Variants in FSTL1 observed in about 807,000 individuals in gnomAD.
The protein encoded by FSTL1 is follistatin-related protein 1.
A neutral mutation model predicts 45.9 loss-of-function variants in FSTL1; 24 were observed. The ratio of observed to expected loss-of-function variants is 0.52; its 90% CI spans 0.38 to 0.74. FSTL1 has a LOEUF of 0.74. Ranked by LOEUF, FSTL1 falls within the 30% of genes least tolerant of loss-of-function variation. The pLI is 0.00. For missense variants in FSTL1, 340 were observed against 381.8 expected, an observed-to-expected ratio of 0.89 and a Z score of 0.91; for synonymous variants, 120 against 137.6, an observed-to-expected ratio of 0.87 and a Z score of 0.89.
intron 2 of FSTL1, among the ~76,000 whole-genome samples, chr3:120,441,793 CTTAT>C (rs1237796385): frequency 1.3e-5 from 2 of 152,220 alleles, no homozygotes; most frequent in Non-Finnish European, 2.9e-5. Context: ...CATGTAAGAG[CTTAT>C]TTAATTCTCA....
chr3:120,425,879 G>A (rs770494202), intron 2 of FSTL1, among the ~76,000 whole-genome samples: 1 of 152,154 alleles, frequency 6.6e-6, no homozygotes, highest in Non-Finnish European at 1.5e-5. Flanking sequence ...CCAATTGAGT[G>A]TCCTGATTTT....
intron 6 of FSTL1, among the ~76,000 whole-genome samples, chr3:120,407,316 G>A (rs145487116): frequency 1.1e-3 from 164 of 152,310 alleles, no homozygotes; most frequent in African/African-American, 3.8e-3. Flanking sequence ...GGGTAAAGGA[G>A]ATAAGAAGGC....
intron 2 of FSTL1, among the ~76,000 whole-genome samples, chr3:120,437,569 T>A (rs1334449079): frequency 1.3e-5 from 2 of 151,796 alleles, no homozygotes; most frequent in African/African-American, 4.8e-5. Context: ...AGTGTCTATT[T>A]GTGTGTGTGT....
At chr3:120,426,504 G>A (rs1332864711) in intron 2 of FSTL1, among the ~76,000 whole-genome samples, 2 of 151,964 alleles carry the variant, frequency 1.3e-5, no homozygotes, top group African/African-American at 4.8e-5. Context: ...TTTTTGCCTT[G>A]GGTGCCACTG....
At chr3:120,412,874 A>G (rs1230174269) in intron 3 of FSTL1, among the ~76,000 whole-genome samples, 1 of 145,328 alleles carries the variant, frequency 6.9e-6, no homozygotes, top group East Asian at 2.0e-4. Flanking sequence ...ACACACACAC[A>G]CTCCAATTCT....
At chr3:120,437,371 C>T (rs1194321618) in intron 2 of FSTL1, among the ~76,000 whole-genome samples, 1 of 152,196 alleles carries the variant, frequency 6.6e-6, no homozygotes, top group Admixed American at 6.5e-5. Context: ...AACAGGCAAA[C>T]TTCACACCAT....
intron 10 of FSTL1, 127 bp downstream of exon 10, chr3:120,399,756 C>A (rs1936781073): frequency 1.1e-5 from 7 of 644,032 alleles, no homozygotes; most frequent in Non-Finnish European, 2.0e-5. Context: ...GATGGGGTAT[C>A]ACTCAAGATG....
intron 3 of FSTL1, among the ~76,000 whole-genome samples, chr3:120,412,826 G>GGAGGA (rs1937090778): frequency 1.8e-5 from 1 of 56,330 alleles, no homozygotes; most frequent in South Asian, 6.6e-4. Context: ...ATGTGCGCGC[G>GGAGGA]CGCGCGCGCG....
At chr3:120,433,978 C>T (rs1423440564) in intron 2 of FSTL1, among the ~76,000 whole-genome samples, 1 of 152,176 alleles carries the variant, frequency 6.6e-6, no homozygotes, top group Non-Finnish European at 1.5e-5. Flanking sequence ...ATTCTTAATG[C>T]AATGGATGTC....
chr3:120,438,016 C>A (rs1485180110), intron 2 of FSTL1, among the ~76,000 whole-genome samples: 4 of 152,064 alleles, frequency 2.6e-5, no homozygotes, highest in Non-Finnish European at 5.9e-5. Context: ...TGTTCAGGAG[C>A]CCCTGGATCC....
At chr3:120,429,771 G>A (rs922081460) in intron 2 of FSTL1, among the ~76,000 whole-genome samples, 1 of 152,194 alleles carries the variant, frequency 6.6e-6, no homozygotes, top group African/African-American at 2.4e-5. Context: ...AAGCTGGGGA[G>A]CCTCAGCAGA....
At chr3:120,410,698 T>C (rs1189379023) in intron 5 of FSTL1, 1 of 614,288 alleles carries the variant, frequency 1.6e-6, no homozygotes, top group African/African-American at 1.8e-5. Flanking sequence ...GTTTATGCAG[T>C]TCAATCACTA....
Position 120,439,126 on chromosome 3 carries a change from G to A in FSTL1, c.63+11558C>T, listed in dbSNP as rs147494290. Among the ~76,000 whole-genome samples, 954 of 152,286 alleles carry A rather than the reference G, an allele frequency of 6.3e-3. 10 individuals are homozygous for A. The highest frequency in any genetic ancestry group is 0.01 in the Non-Finnish European group (708 of 68,030). The stretch of plus-strand genomic sequence containing the variant: ...GCCTCTCCCAGCGGAGAGGCGTGCA[G>A]GGAGGAGGCGAGAGCAAGGCCGGAA... On this transcript the variant is annotated intron_variant, in intron 2 of 10. Transcript: ENST00000295633.
intron 2 of FSTL1, among the ~76,000 whole-genome samples, chr3:120,427,121 A>G (rs775154852): frequency 6.6e-6 from 1 of 152,196 alleles, no homozygotes; most frequent in Admixed American, 6.5e-5. Context: ...CACCTAAAAA[A>G]ATAATGTCAC....
Position 120,397,012 on chromosome 3 carries a change from G to A in FSTL1, c.883-16C>T. 1 of 1,593,978 alleles carries A rather than the reference G, an allele frequency of 6.3e-7. No homozygotes were observed. Among genetic ancestry groups the A allele is most frequent in the Non-Finnish European group, 8.6e-7 (1 of 1,161,848 alleles). On this transcript the variant is annotated splice_polypyrimidine_tract_variant and intron_variant, in intron 10 of 10. Transcript: ENST00000295633. ...CAGCTGTTTCCTTTGAGATGCAAGA[G>A]AAAATAGGCGTCATGGAAATATTAA...
At chr3:120,404,420 G>A (rs1936906675) in intron 7 of FSTL1, among the ~76,000 whole-genome samples, 1 of 152,080 alleles carries the variant, frequency 6.6e-6, no homozygotes, top group Non-Finnish European at 1.5e-5. Flanking sequence ...AAGTAGACGG[G>A]CATATATCTG....
At position 120,428,715 on chromosome 3, in the gene FSTL1, C is replaced by T. The variant is rs190920721; in HGVS notation, c.64-12688G>A. On this transcript the variant is annotated intron_variant, in intron 2 of 10. Coordinates refer to ENST00000295633, the MANE Select transcript of FSTL1 (RefSeq NM_007085.5). ...CACCACTGTCCTCCAGCCTGGGTAA[C>T]GGAGTGAGACTCTGTCTCAGACAAA... Among the ~76,000 whole-genome samples, 14 of 151,706 alleles carry T rather than the reference C, an allele frequency of 9.2e-5. No homozygotes were observed. The East Asian group carries it at 2.5e-3, about 28-fold the overall frequency.
intron 2 of FSTL1, among the ~76,000 whole-genome samples, chr3:120,427,192 G>A (rs980009474): frequency 1.3e-5 from 2 of 152,152 alleles, no homozygotes; most frequent in African/African-American, 4.8e-5. Context: ...TTCAAGGCTT[G>A]GGTCAAGTTA....
At chr3:120,427,927 G>T (rs1443664342) in intron 2 of FSTL1, among the ~76,000 whole-genome samples, 1 of 152,122 alleles carries the variant, frequency 6.6e-6, no homozygotes, top group Non-Finnish European at 1.5e-5. Context: ...ATACCTTGGG[G>T]GCCTATACTA....
Sources: allele counts gnomAD v4.1 joint callset (sites outside exome capture counted in the v4.1 genomes callset), GRCh38; gene constraint gnomAD v4.1.1; transcripts MANE v1.5; gene names NCBI Gene and HGNC (gene_info 2026-07-23, HGNC 2026-07-21).